Variants in CRYBG3 observed in about 807,000 individuals in gnomAD.
CRYBG3 encodes very large A-kinase anchor protein.
Under a neutral mutation model 244.2 loss-of-function variants are expected in CRYBG3, and 127 were observed. The ratio of observed to expected loss-of-function variants is 0.52; its 90% CI spans 0.45 to 0.60. The LOEUF (loss-of-function observed/expected upper bound fraction) is 0.60, where lower values mean the gene tolerates loss of function less well. CRYBG3 is among the 20% of genes least tolerant of loss of function. The pLI, the probability that CRYBG3 is intolerant of heterozygous loss-of-function variation, is 0.00. For synonymous variants in CRYBG3, 1,132 were observed against 1,195.8 expected (o/e 0.95, Z 1.10); for missense variants, 3,325 against 3,442.5 (o/e 0.97, Z 0.85).
intron 1 of CRYBG3, among the ~76,000 whole-genome samples, chr3:97,842,575 A>T (rs1010114151): frequency 1.2e-4 from 18 of 152,072 alleles, no homozygotes; most frequent in African/African-American, 4.1e-4. Context: ...AAAAAATCTT[A>T]AATGTGTCTT....
chr3:97,932,082 G>A (rs1397700759), intron 17 of CRYBG3, among the ~76,000 whole-genome samples: 1 of 152,016 alleles, frequency 6.6e-6, no homozygotes, highest in Non-Finnish European at 1.5e-5. Context: ...GAAAAACTTT[G>A]CTTCCACTTG....
At position 97,872,279 on chromosome 3, in the gene CRYBG3, C is replaced by T. The variant is rs2039314599; in HGVS notation, c.1085C>T (p.Ser362Leu). The change falls in exon 4 of 22, where the codon TCA becomes TTA. Residue 362 changes from serine to leucine, a missense_variant. Physicochemically the swap from Ser to Leu is moderately radical, Grantham distance 145 (BLOSUM62 -2). Around this residue, in one of 4 missense-constraint regions of CRYBG3, gnomAD observed 1,526 missense variants for 1,443.2 expected, o/e 1.06. Coordinates refer to ENST00000389622, the MANE Select transcript of CRYBG3 (RefSeq NM_153605.4). ...TCCAGCTACGATGGAGAATCTGACT[C>T]ACAGCACCATTTAAGTTGTGAACCG... is the stretch of plus-strand genomic sequence containing the variant. ...TNSSYDGESD[S>L]QHHLSCEPVS... The T allele has an allele frequency of 2.0e-6, 3 of 1,535,860 alleles. No homozygotes were observed. The highest frequency in any genetic ancestry group is 2.4e-5 in the East Asian group (1 of 40,906).
chr3:97,936,207 G>A (rs2040162311), intron 18 of CRYBG3, among the ~76,000 whole-genome samples: 2 of 152,078 alleles, frequency 1.3e-5, no homozygotes, highest in Admixed American at 1.3e-4. Flanking sequence ...AGACTCCAGT[G>A]TACTTTTACA....
rs928837491 is a variant in CRYBG3 at position 97,822,396 on chromosome 3, A to T, written c.149+41A>T. On this transcript the variant is annotated intron_variant, in intron 1 of 21. Coordinates refer to ENST00000389622, the MANE Select transcript of CRYBG3 (RefSeq NM_153605.4). ...GGGGTCGCGGGGGGGCCCTGCACAT[A>T]TTCGCGGGATGAAGGCTCCCGGCCT... 5.6e-6 allele frequency: 8 copies of T among 1,420,772 alleles called. No homozygotes were observed. The African/African-American group carries it at 7.4e-5, about 13-fold the overall frequency. The allele number at this position is 1,420,772 out of a possible 1,614,324, so 88.0% of individuals were successfully genotyped here. A position where few individuals can be genotyped will look rare whatever the true frequency, so the allele number is the denominator to read the frequency against.
chr3:97,833,853 G>T (rs993452609), intron 1 of CRYBG3, among the ~76,000 whole-genome samples: 7 of 152,128 alleles, frequency 4.6e-5, no homozygotes, highest in Non-Finnish European at 7.4e-5. Context: ...GATTCTGATG[G>T]CTAGAATGTT....
At chr3:97,913,993 A>G (rs952447978) in intron 16 of CRYBG3, among the ~76,000 whole-genome samples, 1 of 152,134 alleles carries the variant, frequency 6.6e-6, no homozygotes, top group Non-Finnish European at 1.5e-5. Flanking sequence ...GGTCTCCTGC[A>G]GGTATATAAG....
chr3:97,866,227 A>C (rs1411881366), intron 3 of CRYBG3, among the ~76,000 whole-genome samples: 1 of 152,196 alleles, frequency 6.6e-6, no homozygotes, highest in Non-Finnish European at 1.5e-5. Flanking sequence ...CTAGGAATGG[A>C]GTACAAATTG....
At position 97,898,933 on chromosome 3, in the gene CRYBG3, G is replaced by A. The variant is rs2039671108; in HGVS notation, c.7752G>A (p.Gly2584=). 1 of 1,608,958 alleles carries A rather than the reference G, an allele frequency of 6.2e-7. No individual in the cohort carries two copies. Residue 2584 remains glycine, a synonymous_variant, in exon 13 of 22, where the codon GGG becomes GGA. Coordinates refer to ENST00000389622, the MANE Select transcript of CRYBG3 (RefSeq NM_153605.4). ...VTLFESDLES[G]KFIDITNQEI... ...TATTTGAATCTGACCTAGAAAGTGG[G>A]AAGTTTATTGACATTACAAATCAGG...
At chr3:97,904,288 G>C (rs1171447625) in intron 15 of CRYBG3, among the ~76,000 whole-genome samples, 1 of 152,116 alleles carries the variant, frequency 6.6e-6, no homozygotes, top group Non-Finnish European at 1.5e-5. Context: ...CTAATTCTGG[G>C]TGAATCATAT....
chr3:97,912,165 A>G lies in CRYBG3; in HGVS notation c.8005-2A>G. 1 of 1,549,880 alleles carries G rather than the reference A, an allele frequency of 6.5e-7. No individual in the cohort carries two copies. The highest frequency in any genetic ancestry group is 8.8e-7 in the Non-Finnish European group (1 of 1,137,160). On this transcript the variant is annotated splice_acceptor_variant, in intron 15 of 21. Transcript: ENST00000389622. LOFTEE classifies it high-confidence loss of function. ...TTAACTGTTGTGTTGTTGTTCTTGT[A>G]GCTCAAAGCATTCAGCAAACCAGGG...
At chr3:97,930,046 A>G (rs916469186) in intron 17 of CRYBG3, among the ~76,000 whole-genome samples, 14 of 152,080 alleles carry the variant, frequency 9.2e-5, no homozygotes, top group South Asian at 2.1e-4. Flanking sequence ...ACACAGGTCA[A>G]TTTTTCTTAG....
intron 19 of CRYBG3, among the ~76,000 whole-genome samples, chr3:97,939,734 C>T (rs545891708): frequency 2.1e-4 from 32 of 152,056 alleles, no homozygotes; most frequent in Middle Eastern, 3.4e-3. Flanking sequence ...GCAGTAGATC[C>T]GGCTGAATTA....
intron 16 of CRYBG3, among the ~76,000 whole-genome samples, chr3:97,913,249 T>C (rs2039892530): frequency 6.6e-6 from 1 of 152,212 alleles, no homozygotes; most frequent in African/African-American, 2.4e-5. Flanking sequence ...CTCTTTCTTT[T>C]CTTGACCTTA....
At chr3:97,902,814 A>G (rs1472074675) in intron 15 of CRYBG3, among the ~76,000 whole-genome samples, 1 of 152,184 alleles carries the variant, frequency 6.6e-6, no homozygotes, top group Non-Finnish European at 1.5e-5. Context: ...ATTCTTCACC[A>G]TTAGCAAGTG....
At chr3:97,822,442 T>C in intron 1 of CRYBG3, 87 bp downstream of exon 1, 2 of 1,270,418 alleles carry the variant, frequency 1.6e-6, no homozygotes, top group Non-Finnish European at 1.0e-6. Context: ...AGCGGGCCGC[T>C]CTTGGGCCAG....
intron 2 of CRYBG3, among the ~76,000 whole-genome samples, chr3:97,861,690 T>G (rs564654724): frequency 6.6e-6 from 1 of 152,270 alleles, no homozygotes; most frequent in East Asian, 1.9e-4. Context: ...CTGAGTGCTT[T>G]CATTCTACTC....
chr3:97,931,576 C>T (rs924259466), intron 17 of CRYBG3, among the ~76,000 whole-genome samples: 1 of 152,074 alleles, frequency 6.6e-6, no homozygotes, highest in African/African-American at 2.4e-5. Context: ...AACTCCAGAT[C>T]AAAAGGTCCA....
Position 97,889,381 on chromosome 3 carries a change from G to T in CRYBG3, c.7431G>T (p.Met2477Ile), listed in dbSNP as rs752470871. 6.2e-7 allele frequency: 1 copy of T among 1,609,088 alleles called. No homozygotes were observed. Among genetic ancestry groups the T allele is most frequent in the Non-Finnish European group, 8.5e-7 (1 of 1,175,656 alleles). Reference sequence around the variant, plus strand: ...GTGGACTGAAAGTGGAAATGCCCATGAACTTAAAGGTAAGTCTTGGACTGA... The same window carrying T: ...GTGGACTGAAAGTGGAAATGCCCATTAACTTAAAGGTAAGTCTTGGACTGA... ...QMGGLKVEMP[M>I]NLKVIIYEKP... The change falls in exon 10 of 22, where the codon ATG becomes ATT. Residue 2477 changes from methionine to isoleucine, a missense_variant. This residue lies in a region of CRYBG3 where 714 missense variants were observed against 803.6 expected (regional missense o/e 0.89). Coordinates refer to ENST00000389622, the MANE Select transcript of CRYBG3 (RefSeq NM_153605.4).
rs76190550 is a variant in CRYBG3, at chr3:97,886,468, TA to T, written c.7153-152del. On this transcript the variant is annotated intron_variant, in intron 7 of 21. Transcript: ENST00000389622. ...TTAACAGCTTTTTAGAAAAACTTTT[TA>T]AAAAAAAAAAGGGTGAGGAGAAACA... Among the ~76,000 whole-genome samples the T allele has an allele frequency of 1.2e-3, 184 of 150,070 alleles. 1 individual carries two copies. Among genetic ancestry groups the T allele is most frequent in the African/African-American group, 3.5e-3 (141 of 40,720 alleles).
Sources: gnomAD v4.1 joint callset for allele counts (sites outside exome capture counted in the v4.1 genomes callset) on GRCh38, gnomAD v4.1.1 for gene constraint, gnomAD v4.1.1 regional missense constraint, MANE v1.5 for transcripts, NCBI Gene and HGNC (gene_info 2026-07-23, HGNC 2026-07-21) for gene names.